PLCH2: variants seen among roughly 807,000 people sequenced by gnomAD.
PLCH2 encodes the protein phospholipase C eta 2.
In PLCH2, 98 loss-of-function variants were observed where a neutral mutation model predicts 134.7. The observed-to-expected ratio is 0.73, with a 90% CI of 0.62 to 0.86. The LOEUF (loss-of-function observed/expected upper bound fraction) is 0.86, where lower values mean the gene tolerates loss of function less well. PLCH2 is among the 40% of genes least tolerant of loss of function. The pLI, the probability that PLCH2 is intolerant of heterozygous loss-of-function variation, is 0.00. For missense variants in PLCH2, 1,994 were observed against 1,986.6 expected (o/e 1.00, Z -0.07); for synonymous variants, 974 against 827.5 (o/e 1.18, Z -3.04).
At chr1:2,477,746 C>T (rs965382929) in intron 1 of PLCH2, among the ~76,000 whole-genome samples, 14 of 152,148 alleles carry the variant, frequency 9.2e-5, no homozygotes, top group Admixed American at 3.3e-4. Flanking sequence ...TTGTGAAGCT[C>T]GGATCCGGCA....
In PLCH2 at chr1:2,502,249, G is replaced by C. The variant is rs781460329; in HGVS notation, c.2799G>C (p.Pro933=). 1.3e-6 allele frequency: 2 copies of C among 1,541,616 alleles called. No individual in the cohort carries two copies. The highest frequency in any genetic ancestry group is 1.7e-6 in the Non-Finnish European group (2 of 1,144,892). The change falls in exon 21 of 22, where the codon CCG becomes CCC. Residue 933 remains proline (P), a synonymous_variant. Transcript: ENST00000378486. The part of the protein sequence containing the change: ...QRILRRTASA[P]TKSQKPGRRG... ...TCCTGCGGCGCACGGCCAGCGCCCC[G>C]ACCAAGAGCCAGAAGCCGGGCCGCA...
intron 1 of PLCH2, among the ~76,000 whole-genome samples, chr1:2,469,720 G>T (rs1641235939): frequency 6.6e-6 from 1 of 152,144 alleles, no homozygotes; most frequent in South Asian, 2.1e-4. Context: ...TCCCAGCACT[G>T]CATACGTGGG....
At position 2,502,147 on chromosome 1, in the gene PLCH2, C is replaced by A; in HGVS notation, c.2697C>A (p.Leu899=). 6.8e-7 allele frequency: 1 copy of A among 1,481,166 alleles called. No individual in the cohort carries two copies. The highest frequency in any genetic ancestry group is 8.9e-7 in the Non-Finnish European group (1 of 1,120,686). 91.8% of individuals were successfully genotyped at this position (1,481,166 alleles called of 1,614,324 possible). Residue 899 remains leucine, a synonymous_variant, in exon 21 of 22, where the codon CTC becomes CTA. Coordinates refer to ENST00000378486, the MANE Select transcript of PLCH2 (RefSeq NM_014638.4). ...KQALGLKGLF[L]RGPKPGSLDS... is the part of the protein sequence containing the mutation. ...CTCTGGGCCTAAAAGGCCTCTTCCT[C>A]CGAGGCCCAAAGCCCGGCTCGCTGG...
chr1:2,494,741 T>A (rs1570465169), intron 11 of PLCH2, 115 bp from the exon 12 acceptor site: 3 of 496,408 alleles, frequency 6.0e-6, no homozygotes, highest in East Asian at 5.0e-5. Flanking sequence ...ACTCCAGACC[T>A]GGCTCAAGCC....
chr1:2,457,492 C>A (rs977959538), intron 2 of PLCH2, among the ~76,000 whole-genome samples: 3 of 152,172 alleles, frequency 2.0e-5, no homozygotes, highest in African/African-American at 7.2e-5. Flanking sequence ...TGTCTCCTGG[C>A]CTTCCTCCCG....
intron 15 of PLCH2, 54 bp downstream of exon 15, chr1:2,497,064 T>C: frequency 6.4e-7 from 1 of 1,554,342 alleles, no homozygotes; most frequent in East Asian, 2.3e-5. Context: ...GCTCAGACGG[T>C]CCCTGAAGCC....
intron 8 of PLCH2, among the ~76,000 whole-genome samples, chr1:2,488,629 A>C (rs543760297): frequency 6.6e-6 from 1 of 152,200 alleles, no homozygotes; most frequent in African/African-American, 2.4e-5. Flanking sequence ...AAACATACAC[A>C]TGGTTAAAAA....
chr1:2,434,644 G>T (rs1262339505), intron 2 of PLCH2, among the ~76,000 whole-genome samples: 1 of 152,232 alleles, frequency 6.6e-6, no homozygotes, highest in Non-Finnish European at 1.5e-5. Flanking sequence ...TGTGGCAAGG[G>T]CCTGGCTTCC....
chr1:2,499,052 A>G lies in PLCH2; in HGVS notation c.2435-32A>G, dbSNP rs776887142. On this transcript the variant is annotated intron_variant, in intron 18 of 21. Transcript: ENST00000378486. ...AGCGGTGCTGGGCCGGGCCCTCCCC[A>G]TGGGACACTCCTCCTGGCGCTGCTT... 11 of 1,595,038 alleles carry G rather than the reference A, an allele frequency of 6.9e-6. No individual in the cohort carries two copies. In the East Asian group the frequency reaches 2.0e-4, roughly 30 times the overall value.
In PLCH2 at chr1:2,504,006, G is replaced by T. The variant is rs1178383761; in HGVS notation, c.3044G>T (p.Gly1015Val). The part of the protein sequence containing the change: ...TIAEEPAPGP[G>V]PPPPAAVPTS... The stretch of plus-strand genomic sequence containing the variant: ...GCTGAGGAGCCCGCCCCAGGCCCTG[G>T]TCCCCCGCCACCAGCGGCTGTCCCC... The change falls in exon 22 of 22, where the codon GGT becomes GTT. Residue 1015 changes from glycine to valine, a missense_variant. Physicochemically the swap from Gly to Val is moderately radical, Grantham distance 109 (BLOSUM62 -3). This residue lies in a region of PLCH2 where 900 missense variants were observed against 752.3 expected (regional missense o/e 1.20). Transcript: ENST00000378486. 29 of 1,525,058 alleles carry T rather than the reference G, an allele frequency of 1.9e-5. No individual in the cohort carries two copies. Among genetic ancestry groups the T allele is most frequent in the Non-Finnish European group, 2.3e-5 (26 of 1,125,228 alleles). The allele number at this position is 1,525,058 out of a possible 1,614,324, so 94.5% of individuals were successfully genotyped here. A position where few individuals can be genotyped will look rare whatever the true frequency, so the allele number is the denominator to read the frequency against.
chr1:2,486,656 C>T (rs925468879), intron 5 of PLCH2, among the ~76,000 whole-genome samples: 12 of 152,384 alleles, frequency 7.9e-5, no homozygotes, highest in Middle Eastern at 3.4e-3. Flanking sequence ...AGGTCTCGCA[C>T]TGGTGTGGGG....
chr1:2,503,649 G>A (rs963845531), intron 21 of PLCH2: 13 of 696,106 alleles, frequency 1.9e-5, no homozygotes, highest in East Asian at 1.4e-4. Flanking sequence ...GACAGGTAAC[G>A]GGGCCCAGCC....
chr1:2,419,525 G>A, the PLCH2 span, among the ~76,000 whole-genome samples: 6 of 152,158 alleles, frequency 3.9e-5, no homozygotes, highest in Non-Finnish European at 7.4e-5. Flanking sequence ...CGCCTCCCAT[G>A]GCAGTGGGGT....
intron 2 of PLCH2, chr1:2,478,995 T>G: frequency 4.4e-6 from 1 of 228,620 alleles, no homozygotes; most frequent in Non-Finnish European, 8.7e-6. Flanking sequence ...GTGCAAACAG[T>G]GGCTCAGGCA....
upstream of PLCH2, among the ~76,000 whole-genome samples, chr1:2,463,261 C>T (rs1268585218): frequency 2.0e-5 from 3 of 152,188 alleles, no homozygotes; most frequent in Admixed American, 2.0e-4. Context: ...GCAAGAGTCC[C>T]CTGCCTCAGT....
In PLCH2 at chr1:2,478,497, T is replaced by C; in HGVS notation, c.146T>C (p.Met49Thr). ...GPLVERCMGA[M>T]QEGMQMVKLR... ...CCAGTGGAGCGGTGCATGGGTGCCATGCAAGAGGGGATGCAGATGGTGAAG... is the reference window on the plus strand; with the variant it reads ...CCAGTGGAGCGGTGCATGGGTGCCACGCAAGAGGGGATGCAGATGGTGAAG... Residue 49 changes from methionine to threonine, a missense_variant, in exon 2 of 22, where the codon ATG (methionine) becomes ACG (threonine). Transcript: ENST00000378486. The C allele has an allele frequency of 6.2e-7, 1 of 1,612,828 alleles. No individual in the cohort carries two copies. The highest frequency in any genetic ancestry group is 8.5e-7 in the Non-Finnish European group (1 of 1,179,792).
At position 2,486,937 on chromosome 1, in the gene PLCH2, G is replaced by C; in HGVS notation, c.847G>C (p.Asp283His). 5 of 1,608,662 alleles carry C rather than the reference G, an allele frequency of 3.1e-6. No individual in the cohort carries two copies. Among genetic ancestry groups the C allele is most frequent in the Non-Finnish European group, 4.2e-6 (5 of 1,177,698 alleles). The change falls in exon 6 of 22, where the codon GAC becomes CAC. Residue 283 changes from aspartate to histidine, a missense_variant. Physicochemically the swap from Asp to His is moderately conservative, Grantham distance 81 (BLOSUM62 -1). Coordinates refer to ENST00000378486, the MANE Select transcript of PLCH2 (RefSeq NM_014638.4). ...GGGTGTGACCCTCGAGAGCTGCCAG[G>C]ACATCATCGAGCAGTTTGAGCCATG... is the stretch of plus-strand genomic sequence containing the variant. ...MAGVTLESCQ[D>H]IIEQFEPCPE...
the PLCH2 span, among the ~76,000 whole-genome samples, chr1:2,418,436 C>T: frequency 3.3e-5 from 5 of 152,290 alleles, no homozygotes; most frequent in Admixed American, 1.3e-4. Context: ...GGGCTCTGGT[C>T]GTTCTGCTCC....
intron 2 of PLCH2, among the ~76,000 whole-genome samples, chr1:2,462,197 C>T (rs1241901117): frequency 9.4e-6 from 1 of 106,050 alleles, no homozygotes; most frequent in Non-Finnish European, 2.0e-5. Flanking sequence ...CCTGACACCC[C>T]CTCCACCTGA....
Sources: allele counts gnomAD v4.1 joint callset (sites outside exome capture counted in the v4.1 genomes callset), GRCh38; gene constraint gnomAD v4.1.1; regional missense constraint gnomAD v4.1.1; transcripts MANE v1.5; gene names NCBI Gene and HGNC (gene_info 2026-07-23, HGNC 2026-07-21).